Variants in ASTN2 observed in about 807,000 individuals in gnomAD.
The protein encoded by ASTN2 is astrotactin-2.
ASTN2 carries 54 observed loss-of-function variants against 139.8 expected under a neutral mutation model. The ratio of observed to expected loss-of-function variants is 0.39; its 90% CI spans 0.31 to 0.48. The LOEUF (loss-of-function observed/expected upper bound fraction) is 0.48, where lower values mean the gene tolerates loss of function less well. Among genes scored for constraint, ASTN2 ranks in the 20% least tolerant of loss-of-function variants. The pLI, the probability that ASTN2 is intolerant of heterozygous loss-of-function variation, is 0.95. For missense variants in ASTN2, 1,565 were observed against 1,725.1 expected (o/e 0.91, Z 1.64); for synonymous variants, 756 against 719.5 (o/e 1.05, Z -0.81).
At chr9:116,498,470 T>C (rs371132416) in intron 19 of ASTN2, among the ~76,000 whole-genome samples, 6 of 151,888 alleles carry the variant, frequency 4.0e-5, no homozygotes, top group East Asian at 1.9e-4. Context: ...TGGTGGCATG[T>C]GTCTGTAGCC....
At chr9:116,900,458 A>G (rs1261764423) in intron 10 of ASTN2, among the ~76,000 whole-genome samples, 1 of 152,124 alleles carries the variant, frequency 6.6e-6, no homozygotes, top group Non-Finnish European at 1.5e-5. Flanking sequence ...TTTCTGTGAT[A>G]TGTAATTTGT....
intron 16 of ASTN2, among the ~76,000 whole-genome samples, chr9:116,665,798 AAC>A: frequency 6.6e-6 from 1 of 152,356 alleles, no homozygotes; most frequent in South Asian, 2.1e-4. Flanking sequence ...AAATTTATCA[AAC>A]AAATACACTT....
chr9:116,952,148 T>C (rs577519785), intron 10 of ASTN2, among the ~76,000 whole-genome samples: 1 of 152,346 alleles, frequency 6.6e-6, no homozygotes, highest in African/African-American at 2.4e-5. Context: ...TTAATGCTAG[T>C]GAGCACTTGA....
intron 19 of ASTN2, among the ~76,000 whole-genome samples, chr9:116,563,011 T>C (rs1159590611): frequency 1.3e-5 from 2 of 152,038 alleles, no homozygotes; most frequent in South Asian, 4.2e-4. Context: ...GAGATGTAAG[T>C]AGACCATTGC....
intron 3 of ASTN2, among the ~76,000 whole-genome samples, chr9:117,153,913 T>C (rs1482819571): frequency 2.6e-5 from 4 of 152,060 alleles, no homozygotes; most frequent in African/African-American, 9.7e-5. Context: ...ATGAAGGGTA[T>C]AAAAATATGC....
At chr9:117,250,396 G>T (rs1833506034) in intron 2 of ASTN2, among the ~76,000 whole-genome samples, 2 of 152,220 alleles carry the variant, frequency 1.3e-5, no homozygotes, top group African/African-American at 4.8e-5. Context: ...TGTAAGGAAT[G>T]ATTTTCTTTG....
chr9:117,066,842 T>G (rs1440430166), intron 5 of ASTN2, among the ~76,000 whole-genome samples: 1 of 143,492 alleles, frequency 7.0e-6, no homozygotes, highest in African/African-American at 2.6e-5. Context: ...CGCCCACTTT[T>G]TGATGGGGTT....
At chr9:117,281,999 G>A (rs573015228) in intron 2 of ASTN2, among the ~76,000 whole-genome samples, 13 of 152,120 alleles carry the variant, frequency 8.5e-5, no homozygotes, top group Admixed American at 4.6e-4. Context: ...TCTCTTACTC[G>A]CTGTCTCTCT....
intron 12 of ASTN2, among the ~76,000 whole-genome samples, chr9:116,811,927 T>G (rs778857358): frequency 6.6e-6 from 1 of 152,250 alleles, no homozygotes; most frequent in Non-Finnish European, 1.5e-5. Context: ...ATTCCTTTTT[T>G]GTTTTTCTGC....
At chr9:117,089,138 C>T (rs149379023) in intron 5 of ASTN2, among the ~76,000 whole-genome samples, 480 of 152,332 alleles carry the variant, frequency 3.2e-3, no homozygotes, top group Non-Finnish European at 4.8e-3. Flanking sequence ...TCCACACATA[C>T]AGGCTAAACT....
intron 19 of ASTN2, among the ~76,000 whole-genome samples, chr9:116,508,304 T>C (rs1850200325): frequency 6.6e-6 from 1 of 152,218 alleles, no homozygotes; most frequent in African/African-American, 2.4e-5. Flanking sequence ...GGTGAGCACA[T>C]ATTACACATT....
intron 13 of ASTN2, among the ~76,000 whole-genome samples, chr9:116,805,372 A>C (rs1265409630): frequency 6.6e-6 from 1 of 152,186 alleles, no homozygotes. Context: ...TTATATGATA[A>C]TTTAAGATTG....
intron 4 of ASTN2, among the ~76,000 whole-genome samples, chr9:117,129,358 C>T (rs73657668): frequency 3.2e-4 from 49 of 152,200 alleles, no homozygotes; most frequent in African/African-American, 9.9e-4. Flanking sequence ...GTAAAATAAA[C>T]GACTTTCAGA....
In ASTN2 at chr9:117,344,209, C is replaced by T. The variant is rs990442561; in HGVS notation, c.443-52696G>A. ...AGAAAAAAAAACCCATCCCCAAAAG[C>T]AGCATTAACAGGAGAATATTAAACC... is the stretch of plus-strand genomic sequence containing the variant. On this transcript the variant is annotated intron_variant, in intron 1 of 22. Transcript: ENST00000313400. 4.6e-5 allele frequency among the ~76,000 whole-genome samples: 7 copies of T among 152,076 alleles called. No homozygotes were observed. In the East Asian group the frequency reaches 7.7e-4, roughly 17 times the overall value.
chr9:116,471,621 A>T (rs1848817449), intron 20 of ASTN2, among the ~76,000 whole-genome samples: 1 of 152,040 alleles, frequency 6.6e-6, no homozygotes, highest in African/African-American at 2.4e-5. Context: ...GGGAGGGGGG[A>T]ATTCATATGA....
rs549541602 is a variant in ASTN2, at chr9:117,245,575, C to T, written c.631-30833G>A. On this transcript the variant is annotated intron_variant, in intron 2 of 22. Transcript: ENST00000313400. ...AAGGTGGAGACCCACATTGCAGGCA[C>T]GGAGGCTGGGTGCAGGGCCAGGAGG... Among the ~76,000 whole-genome samples, 89 of 152,290 alleles carry T rather than the reference C, an allele frequency of 5.8e-4. No homozygotes were observed. In the South Asian group the frequency reaches 0.018, roughly 31 times the overall value.
chr9:116,564,487 C>T (rs541695482), intron 19 of ASTN2, among the ~76,000 whole-genome samples: 2 of 152,186 alleles, frequency 1.3e-5, no homozygotes, highest in Admixed American at 6.5e-5. Context: ...ACCCAATAAA[C>T]GGGTGTGTAA....
chr9:116,942,267 C>G (rs1226764757), intron 10 of ASTN2, among the ~76,000 whole-genome samples: 1 of 152,118 alleles, frequency 6.6e-6, no homozygotes, highest in East Asian at 1.9e-4. Context: ...CCAACTGCAG[C>G]TAACCACCGT....
At chr9:117,157,769 G>A (rs1830462774) in intron 3 of ASTN2, among the ~76,000 whole-genome samples, 1 of 152,016 alleles carries the variant, frequency 6.6e-6, no homozygotes, top group African/African-American at 2.4e-5. Flanking sequence ...CTATAGATGA[G>A]AAGGAGCGAA....
Sources: gnomAD v4.1 joint callset for allele counts (sites outside exome capture counted in the v4.1 genomes callset) on GRCh38, gnomAD v4.1.1 for gene constraint, MANE v1.5 for transcripts, NCBI Gene and HGNC (gene_info 2026-07-23, HGNC 2026-07-21) for gene names.